The following GPM6B variants were observed in gnomAD, a reference collection of about 807,000 sequenced individuals.
GPM6B encodes glycoprotein M6B.
A neutral mutation model predicts 27.2 loss-of-function variants in GPM6B; 4 were observed. That is an observed-to-expected ratio of 0.15 (90% CI 0.07 to 0.34). GPM6B has a LOEUF of 0.34. Ranked by LOEUF, GPM6B falls within the 10% of genes least tolerant of loss-of-function variation. GPM6B has a pLI of 1.00. For synonymous variants in GPM6B, 124 were observed against 103.1 expected (o/e 1.20, Z -1.23); for missense variants, 183 against 261.9 (o/e 0.70, Z 2.08).
chrX:13,922,299 A>G (rs894733950), intron 1 of GPM6B, among the ~76,000 whole-genome samples: 2 of 111,497 alleles, frequency 1.8e-5, no homozygotes, highest in East Asian at 5.6e-4. Context: ...GCACCTCCCC[A>G]TCCCCCGAAT....
intron 7 of GPM6B, chrX:13,773,898 G>T: frequency 1.6e-6 from 1 of 618,251 alleles, no homozygotes; most frequent in Non-Finnish European, 1.9e-6. Flanking sequence ...CAATTTTGTG[G>T]GCTCTAACAG....
chrX:13,907,220 G>C (rs1228049247), intron 1 of GPM6B, among the ~76,000 whole-genome samples: 1 of 112,232 alleles, frequency 8.9e-6, no homozygotes, highest in Non-Finnish European at 1.9e-5. Context: ...ACAGTGCCTA[G>C]CACATTCCCT....
chrX:13,845,120 G>C (rs5979982), intron 1 of GPM6B, among the ~76,000 whole-genome samples: 23,319 of 108,264 alleles, frequency 0.22, 1,930 homozygotes, highest in East Asian at 0.27. Flanking sequence ...CTCCCGAGTA[G>C]CTGGGACTAC....
rs778362386 is a variant in GPM6B at position 13,929,128 on chromosome X, G to A, written c.-198+9199C>T. On this transcript the variant is annotated intron_variant, in intron 1 of 6. Coordinates refer to the GPM6B transcript ENST00000398361. The stretch of plus-strand genomic sequence containing the variant: ...GCTAAGAAGATGAATTCTAAATTTG[G>A]AAAGGCCATCAAGGTAACTAAGGAT... 4.5e-5 allele frequency among the ~76,000 whole-genome samples: 5 copies of A among 112,260 alleles called. No homozygotes were observed. The East Asian group carries it at 8.4e-4, about 19-fold the overall frequency.
chrX:13,874,317 A>G (rs2147002785), intron 1 of GPM6B, among the ~76,000 whole-genome samples: 1 of 111,831 alleles, frequency 8.9e-6, no homozygotes, highest in East Asian at 2.8e-4. Context: ...TGACAATTAG[A>G]TTCAATAAAT....
chrX:13,809,258 A>G (rs1366792012), intron 1 of GPM6B, among the ~76,000 whole-genome samples: 1 of 111,933 alleles, frequency 8.9e-6, no homozygotes, highest in Non-Finnish European at 1.9e-5. Context: ...TTCACTCAAG[A>G]GGGCACACTT....
Position 13,772,161 on chromosome X carries a change from A to C in GPM6B, c.*720T>G, listed in dbSNP as rs1602955423. On this transcript the variant is annotated 3_prime_UTR_variant, in exon 8 of 8. Coordinates refer to ENST00000316715, the MANE Select transcript of GPM6B (RefSeq NM_001001995.3). Reference sequence around the variant, plus strand: ...TCTCAAGAATAATGAAAATTGGATCAGTATTTTGTTAAAATGAAATCTGTT... The same window carrying C: ...TCTCAAGAATAATGAAAATTGGATCCGTATTTTGTTAAAATGAAATCTGTT... 4.4e-5 allele frequency: 5 copies of C among 112,907 alleles called. 1 individual carries two copies. The Admixed American group carries it at 4.7e-4, about 11-fold the overall frequency. The allele number at this position is 112,907 out of a possible 1,213,427, so 9.3% of individuals were successfully genotyped here. A position where few individuals can be genotyped will look rare whatever the true frequency, so the allele number is the denominator to read the frequency against.
In GPM6B at chrX:13,873,371, T is replaced by C. The variant is rs763031978; in HGVS notation, c.-198+64956A>G. Among the ~76,000 whole-genome samples the C allele has an allele frequency of 2.1e-4, 23 of 110,510 alleles. No homozygotes were observed. The East Asian group carries it at 5.4e-3, about 26-fold the overall frequency. ...GTGTCCGGGCTCAAACATGGCTCCA[T>C]CACTTCCCAGTTGGGTAACTTAAGG... is the stretch of plus-strand genomic sequence containing the variant. On this transcript the variant is annotated intron_variant, in intron 1 of 6. Coordinates refer to the GPM6B transcript ENST00000398361.
intron 1 of GPM6B, among the ~76,000 whole-genome samples, chrX:13,864,149 G>A (rs750103958): frequency 7.0e-4 from 79 of 112,285 alleles, no homozygotes; most frequent in African/African-American, 2.4e-3. Context: ...AAGGACCATG[G>A]GAAATCTGCA....
chrX:13,925,474 G>A (rs1282732316), intron 1 of GPM6B, among the ~76,000 whole-genome samples: 1 of 99,258 alleles, frequency 1.0e-5, no homozygotes, highest in Non-Finnish European at 2.0e-5. Context: ...CTACAGGCAG[G>A]CACCACCATG....
chrX:13,840,816 G>A (rs762483757), intron 1 of GPM6B, among the ~76,000 whole-genome samples: 8 of 111,304 alleles, frequency 7.2e-5, no homozygotes, highest in Non-Finnish European at 1.5e-4. Flanking sequence ...ACACACAAAT[G>A]TGTGTGTGTG....
At chrX:13,793,945 T>C (rs2048760312) in intron 2 of GPM6B, among the ~76,000 whole-genome samples, 1 of 111,858 alleles carries the variant, frequency 8.9e-6, no homozygotes, top group Non-Finnish European at 1.9e-5. Context: ...TTTTAACCGC[T>C]TAGAATATAT....
chrX:13,909,594 A>C (rs1221454812), intron 1 of GPM6B, among the ~76,000 whole-genome samples: 2 of 111,542 alleles, frequency 1.8e-5, no homozygotes, highest in Non-Finnish European at 3.8e-5. Context: ...TATTATTTAT[A>C]ATCATGGTAC....
At chrX:13,889,778 G>A (rs1185519176) in intron 1 of GPM6B, among the ~76,000 whole-genome samples, 1 of 107,869 alleles carries the variant, frequency 9.3e-6, no homozygotes, top group African/African-American at 3.4e-5. Flanking sequence ...ACCAGAAGCA[G>A]AAAATCTGTA....
chrX:13,787,069 A>AAAAAAAAAAAC (rs2048627305), intron 2 of GPM6B, among the ~76,000 whole-genome samples: 1 of 104,236 alleles, frequency 9.6e-6, no homozygotes, highest in Non-Finnish European at 2.0e-5. Context: ...AAAAAAAAAA[A>AAAAAAAAAAAC]TCCCCCAAAT....
At chrX:13,827,294 T>C (rs1232349616) in intron 1 of GPM6B, among the ~76,000 whole-genome samples, 1 of 77,128 alleles carries the variant, frequency 1.3e-5, no homozygotes, top group Non-Finnish European at 2.8e-5. Context: ...TTTTTTTTTT[T>C]CTTTTAGAGT....
In GPM6B at chrX:13,877,824, C is replaced by CAAAAAAAAAA. The variant is rs761891419; in HGVS notation, c.-198+60493_-198+60502dup. Among the ~76,000 whole-genome samples the CAAAAAAAAAA allele has an allele frequency of 5.1e-3, 139 of 27,460 alleles. 25 individuals carry two copies. Among genetic ancestry groups the CAAAAAAAAAA allele is most frequent in the African/African-American group, 0.019 (105 of 5,453 alleles). 23.8% of individuals were successfully genotyped at this position (27,460 alleles called of 115,157 possible). ...CCTGGGCATTAGAGCCAGACTCTGC[C>CAAAAAAAAAA]AAAAAAAAAAAAAAAAAAAAAAAAA... On this transcript the variant is annotated intron_variant, in intron 1 of 6. Transcript: ENST00000398361.
intron 1 of GPM6B, among the ~76,000 whole-genome samples, chrX:13,844,091 G>C (rs1031567968): frequency 8.9e-6 from 1 of 112,117 alleles, no homozygotes; most frequent in Non-Finnish European, 1.9e-5. Flanking sequence ...TGAGGTAGGG[G>C]TGCAACTTCA....
At chrX:13,865,542 C>CAAAAAAAAA (rs1171503867) in intron 1 of GPM6B, among the ~76,000 whole-genome samples, 58 of 14,609 alleles carry the variant, frequency 4.0e-3, no homozygotes, top group African/African-American at 6.7e-3. Flanking sequence ...TCCATCTCTT[C>CAAAAAAAAA]AAAAAAAAAA....
Sources: gnomAD v4.1 joint callset for allele counts (sites outside exome capture counted in the v4.1 genomes callset) on GRCh38, gnomAD v4.1.1 for gene constraint, MANE v1.5 for transcripts, NCBI Gene and HGNC (gene_info 2026-07-23, HGNC 2026-07-21) for gene names.